Variants in ZNF596 observed in about 807,000 individuals in gnomAD.
The protein encoded by ZNF596 is zinc finger protein 596.
In ZNF596, 45 loss-of-function variants were observed where a neutral mutation model predicts 48.3. The ratio of observed to expected loss-of-function variants is 0.93; its 90% CI spans 0.73 to 1.19. The LOEUF (loss-of-function observed/expected upper bound fraction) is 1.19. Ranked by LOEUF, ZNF596 falls within the 50% of genes most tolerant of loss-of-function variation. The pLI, the probability that ZNF596 is intolerant of heterozygous loss-of-function variation, is 0.00. For missense variants in ZNF596, 848 were observed against 599.7 expected, an observed-to-expected ratio of 1.41 and a Z score of -4.32; for synonymous variants, 270 against 202.0, an observed-to-expected ratio of 1.34 and a Z score of -2.85.
Position 245,931 on chromosome 8 carries a change from C to T in ZNF596, c.1084C>T (p.Pro362Ser), listed in dbSNP as rs756306914. Residue 362 changes from proline to serine, a missense_variant, in exon 6 of 6, where the codon CCA (proline) becomes TCA (serine). By Grantham distance (74) the Pro-to-Ser change is moderately conservative. Transcript: ENST00000398612. The part of the protein sequence containing the change: ...QHERSHNGEK[P>S]HGCHLCGKAF... Reference sequence around the variant, plus strand: ...TGAGCGAAGTCACAATGGAGAGAAACCACATGGATGTCATCTATGTGGGAA... The same window carrying T: ...TGAGCGAAGTCACAATGGAGAGAAATCACATGGATGTCATCTATGTGGGAA... The T allele has an allele frequency of 3.7e-6, 6 of 1,613,870 alleles. No homozygotes were observed. Among genetic ancestry groups the T allele is most frequent in the Non-Finnish European group, 5.1e-6 (6 of 1,180,008 alleles).
At chr8:241,960 G>A (rs1402031174) in intron 2 of ZNF596, among the ~76,000 whole-genome samples, 1 of 152,132 alleles carries the variant, frequency 6.6e-6, no homozygotes, top group East Asian at 1.9e-4. Context: ...CAGATCTTCT[G>A]AGATATTACT....
At chr8:236,842 T>C (rs1796637516) in intron 1 of ZNF596, among the ~76,000 whole-genome samples, 1 of 152,218 alleles carries the variant, frequency 6.6e-6, no homozygotes, top group African/African-American at 2.4e-5. Flanking sequence ...TTTTTGCAAA[T>C]GTAAGTAAGG....
Position 238,528 on chromosome 8 carries a change from C to T in ZNF596, c.-72-2296C>T, listed in dbSNP as rs565511904. Among the ~76,000 whole-genome samples the T allele has an allele frequency of 1.7e-4, 24 of 144,136 alleles. No individual in the cohort carries two copies. The South Asian group carries it at 2.3e-3, about 14-fold the overall frequency. The allele number at this position is 144,136 out of a possible 152,430, so 94.6% of individuals were successfully genotyped here. ...AGAAATACAGGTTTCTGGCTGGGTG[C>T]GGTGGCTCACACTTGTAATCACAGC... On this transcript the variant is annotated intron_variant, in intron 1 of 5. Transcript: ENST00000398612.
At chr8:234,920 T>C (rs189757249) in intron 1 of ZNF596, 1 of 152,298 alleles carries the variant, frequency 6.6e-6, no homozygotes, top group East Asian at 1.9e-4. Flanking sequence ...AGAGAAACTG[T>C]GCATATTAGT....
chr8:243,811 C>T lies in ZNF596; in HGVS notation c.223+6C>T. 1 of 1,611,650 alleles carries T rather than the reference C, an allele frequency of 6.2e-7. No homozygotes were observed. Among genetic ancestry groups the T allele is most frequent in the Middle Eastern group, 1.7e-4 (1 of 6,056 alleles). ...AAGAATAAGCTTACTGCAAGGTGAG[C>T]TCTAAGAAGCAGTGCTTCAATAGGA... On this transcript the variant is annotated splice_donor_region_variant and intron_variant, in intron 4 of 5. Coordinates refer to ENST00000398612, the MANE Select transcript of ZNF596 (RefSeq NM_001042416.3).
intron 1 of ZNF596, chr8:233,287 G>C (rs1474793506): frequency 2.9e-6 from 1 of 340,918 alleles, no homozygotes; most frequent in African/African-American, 2.2e-5. Flanking sequence ...GTAGCAGAGA[G>C]GGCAGCAGAA....
At position 246,579 on chromosome 8, in the gene ZNF596, T is replaced by C. The variant is rs955597050; in HGVS notation, c.*217T>C. 2.1e-6 allele frequency: 1 copy of C among 484,272 alleles called. No homozygotes were observed. The highest frequency in any genetic ancestry group is 3.5e-6 in the Non-Finnish European group (1 of 286,710). 30.0% of individuals were successfully genotyped at this position (484,272 alleles called of 1,614,324 possible). A position where few individuals can be genotyped will look rare whatever the true frequency, so the allele number is the denominator to read the frequency against. ...TATACAACGTGAGAGAATGAAACTA[T>C]AGATCAAAGGAATGTGGAGGAGTCT... is the stretch of plus-strand genomic sequence containing the variant. On this transcript the variant is annotated 3_prime_UTR_variant, in exon 6 of 6. Coordinates refer to ENST00000398612, the MANE Select transcript of ZNF596 (RefSeq NM_001042416.3).
chr8:237,367 T>C (rs923142594), intron 1 of ZNF596: 13 of 152,184 alleles, frequency 8.5e-5, no homozygotes, highest in African/African-American at 3.1e-4. Context: ...TTTGTAACAA[T>C]TTGGAAAGTC....
chr8:235,688 T>C (rs2117066023), intron 1 of ZNF596, among the ~76,000 whole-genome samples: 1 of 152,290 alleles, frequency 6.6e-6, no homozygotes, highest in South Asian at 2.1e-4. Context: ...CTTCGGTGTC[T>C]TATTATGTTT....
chr8:235,683 G>C (rs1796589878), intron 1 of ZNF596, among the ~76,000 whole-genome samples: 1 of 152,106 alleles, frequency 6.6e-6, no homozygotes, highest in Middle Eastern at 3.4e-3. Context: ...ACACACTTCG[G>C]TGTCTTATTA....
rs1797011567 is a variant in ZNF596 at position 245,160 on chromosome 8, C to G, written c.313C>G (p.His105Asp). Residue 105 changes from histidine (H) to aspartate (D), a missense_variant, in exon 6 of 6, where the codon CAT (histidine) becomes GAT (aspartate). Transcript: ENST00000398612. Reference protein sequence around the residue: ...GTSTISTMRSHTQEDPFLCND... With the variant: ...GTSTISTMRSDTQEDPFLCND... Reference sequence around the variant, plus strand: ...ATTTCATTCCCAAAACCAGAGATCTCATACTCAAGAGGATCCTTTTCTATG... The same window carrying G: ...ATTTCATTCCCAAAACCAGAGATCTGATACTCAAGAGGATCCTTTTCTATG... The G allele has an allele frequency of 1.9e-6, 3 of 1,580,454 alleles. No individual in the cohort carries two copies. The highest frequency in any genetic ancestry group is 2.6e-6 in the Non-Finnish European group (3 of 1,164,112).
intron 1 of ZNF596, among the ~76,000 whole-genome samples, chr8:236,085 T>G (rs1001692570): frequency 1.3e-5 from 2 of 152,246 alleles, no homozygotes; most frequent in African/African-American, 2.4e-5. Context: ...AATAGGATTT[T>G]CAGGCTTTAT....
chr8:236,655 A>G (rs1796627330), intron 1 of ZNF596, among the ~76,000 whole-genome samples: 1 of 152,196 alleles, frequency 6.6e-6, no homozygotes. Context: ...AGGTCTATTA[A>G]TGTGATTTTT....
Position 240,811 on chromosome 8 carries a change from T to C in ZNF596, c.-72-13T>C. On this transcript the variant is annotated splice_polypyrimidine_tract_variant and intron_variant, in intron 1 of 5. Coordinates refer to ENST00000398612, the MANE Select transcript of ZNF596 (RefSeq NM_001042416.3). Reference sequence around the variant, plus strand: ...GTCATGGTTTTTTTGTTTTTGTTTTTGTTTTTGCTCAGATTTGTCTTCTTA... The same window carrying C: ...GTCATGGTTTTTTTGTTTTTGTTTTCGTTTTTGCTCAGATTTGTCTTCTTA... 1 of 1,566,398 alleles carries C rather than the reference T, an allele frequency of 6.4e-7. No homozygotes were observed. The highest frequency in any genetic ancestry group is 8.8e-7 in the Non-Finnish European group (1 of 1,137,868).
chr8:244,653 A>G lies in ZNF596; in HGVS notation c.258A>G (p.Pro86=), dbSNP rs768578584. 1.2e-6 allele frequency: 2 copies of G among 1,613,302 alleles called. No individual in the cohort carries two copies. Among genetic ancestry groups the G allele is most frequent in the Non-Finnish European group, 1.7e-6 (2 of 1,179,718 alleles). Residue 86 remains proline, a synonymous_variant, in exon 5 of 6, where the codon CCA becomes CCG. Transcript: ENST00000398612. ...TTGGCATTAAACATCAAGAGATACC[A>G]TTCATTCAACATATCTATCAGAAGG... ...REVGIKHQEI[P]FIQHIYQKGT... is the part of the protein sequence containing the mutation.
chr8:239,070 AG>A (rs1294097625), intron 1 of ZNF596, among the ~76,000 whole-genome samples: 1 of 152,208 alleles, frequency 6.6e-6, no homozygotes, highest in Non-Finnish European at 1.5e-5. Flanking sequence ...AGAAAGAACC[AG>A]TGAACTCAAA....
intron 1 of ZNF596, among the ~76,000 whole-genome samples, chr8:236,230 T>G (rs1315579115): frequency 3.3e-5 from 5 of 152,240 alleles, no homozygotes; most frequent in Admixed American, 6.5e-5. Flanking sequence ...TTTTAAGGAC[T>G]AATGTTGCTA....
chr8:241,056 G>T (rs998598700), intron 2 of ZNF596, 149 bp downstream of exon 2: 1 of 974,974 alleles, frequency 1.0e-6, no homozygotes, highest in Non-Finnish European at 1.6e-6. Flanking sequence ...GTTTACATTG[G>T]CTCAAAGAGT....
At chr8:243,930 C>G in intron 4 of ZNF596, 125 bp downstream of exon 4, 1 of 738,548 alleles carries the variant, frequency 1.4e-6, no homozygotes, top group Non-Finnish European at 2.2e-6. Context: ...CTCTGTCACC[C>G]AGGCTGGAGT....
Sources: allele counts gnomAD v4.1 joint callset (sites outside exome capture counted in the v4.1 genomes callset), GRCh38; gene constraint gnomAD v4.1.1; transcripts MANE v1.5; gene names NCBI Gene and HGNC (gene_info 2026-07-23, HGNC 2026-07-21).